The following ZBTB20 variants were observed in gnomAD, a reference collection of about 807,000 sequenced individuals.
ZBTB20 encodes zinc finger and BTB domain containing 20.
In ZBTB20, 9 loss-of-function variants were observed where a neutral mutation model predicts 56.9. That is an observed-to-expected ratio of 0.16 (90% confidence interval 0.10 to 0.28). The LOEUF (loss-of-function observed/expected upper bound fraction) is 0.28, where lower values mean the gene tolerates loss of function less well. Among genes scored for constraint, ZBTB20 ranks in the 10% least tolerant of loss-of-function variants. ZBTB20 has a pLI of 1.00. For missense variants in ZBTB20, 655 were observed against 1,003.0 expected (o/e 0.65, Z 4.69); for synonymous variants, 417 against 420.7 (o/e 0.99, Z 0.11).
intron 3 of ZBTB20, among the ~76,000 whole-genome samples, chr3:114,938,032 G>T (rs1043136806): frequency 6.6e-6 from 1 of 151,902 alleles, no homozygotes; most frequent in African/African-American, 2.4e-5. Context: ...GCAGGAGAAT[G>T]GCGTGAACCC....
intron 7 of ZBTB20, among the ~76,000 whole-genome samples, chr3:114,422,422 T>G (rs1421098442): frequency 6.6e-6 from 1 of 152,130 alleles, no homozygotes; most frequent in Non-Finnish European, 1.5e-5. Flanking sequence ...CAACCGGACG[T>G]TACCCGCCTT....
intron 6 of ZBTB20, among the ~76,000 whole-genome samples, chr3:114,680,525 G>T (rs2061907801): frequency 1.3e-5 from 2 of 152,266 alleles, no homozygotes; most frequent in South Asian, 2.1e-4. Flanking sequence ...GCCAAGTAAT[G>T]ATGTCCAAAT....
intron 1 of ZBTB20, among the ~76,000 whole-genome samples, chr3:115,144,632 G>C (rs1354137173): frequency 6.6e-6 from 1 of 151,856 alleles, no homozygotes; most frequent in Non-Finnish European, 1.5e-5. Flanking sequence ...ATTTAATCTC[G>C]TATTTTCTTT....
At chr3:114,889,035 T>G (rs901171589) in intron 4 of ZBTB20, among the ~76,000 whole-genome samples, 1 of 152,036 alleles carries the variant, frequency 6.6e-6, no homozygotes, top group African/African-American at 2.4e-5. Flanking sequence ...GTGTAAAAAG[T>G]TTAAATACTT....
intron 6 of ZBTB20, among the ~76,000 whole-genome samples, chr3:114,662,577 A>C (rs2060799595): frequency 7.1e-6 from 1 of 141,494 alleles, no homozygotes; most frequent in Admixed American, 7.1e-5. Flanking sequence ...TTGTTTCCTG[A>C]CTTTTTAATG....
At chr3:114,859,054 C>T (rs2075371575) in intron 4 of ZBTB20, among the ~76,000 whole-genome samples, 1 of 151,886 alleles carries the variant, frequency 6.6e-6, no homozygotes, top group Non-Finnish European at 1.5e-5. Flanking sequence ...GTAAGCCAGT[C>T]AACTTTCAAG....
chr3:114,511,333 G>GT (rs2045361513), intron 6 of ZBTB20, among the ~76,000 whole-genome samples: 1 of 152,098 alleles, frequency 6.6e-6, no homozygotes, highest in South Asian at 2.1e-4. Flanking sequence ...TGTCATCTCT[G>GT]TAAGTGACAA....
At chr3:114,708,756 T>A (rs2063868715) in intron 5 of ZBTB20, among the ~76,000 whole-genome samples, 1 of 152,166 alleles carries the variant, frequency 6.6e-6, no homozygotes, top group African/African-American at 2.4e-5. Context: ...TAAATATTGT[T>A]AACTTAAATA....
At chr3:114,597,723 T>C (rs1392755166) in intron 6 of ZBTB20, among the ~76,000 whole-genome samples, 1 of 152,076 alleles carries the variant, frequency 6.6e-6, no homozygotes, top group African/African-American at 2.4e-5. Flanking sequence ...CAAAAAGCCT[T>C]GGTGTAAGTT....
At chr3:114,742,867 T>C (rs1689490379) in intron 5 of ZBTB20, among the ~76,000 whole-genome samples, 1 of 152,188 alleles carries the variant, frequency 6.6e-6, no homozygotes, top group Admixed American at 6.5e-5. Context: ...TGGGTGACTG[T>C]AACATATAGC....
At chr3:114,414,608 G>A (rs1257340020) in intron 7 of ZBTB20, among the ~76,000 whole-genome samples, 4 of 151,564 alleles carry the variant, frequency 2.6e-5, no homozygotes, top group African/African-American at 9.7e-5. Flanking sequence ...AAAATTATTT[G>A]TGGCCTTGAA....
intron 5 of ZBTB20, among the ~76,000 whole-genome samples, chr3:114,733,302 C>A (rs1272202293): frequency 1.3e-5 from 2 of 152,178 alleles, no homozygotes; most frequent in African/African-American, 4.8e-5. Flanking sequence ...TCTCCAATGC[C>A]TAAGCCTACC....
At chr3:114,366,446 T>C (rs2082410607) in intron 10 of ZBTB20, among the ~76,000 whole-genome samples, 1 of 152,148 alleles carries the variant, frequency 6.6e-6, no homozygotes, top group Non-Finnish European at 1.5e-5. Context: ...ACACATATAT[T>C]TTCTCTGTAA....
chr3:114,808,188 T>C (rs1161683349), intron 4 of ZBTB20, among the ~76,000 whole-genome samples: 1 of 152,086 alleles, frequency 6.6e-6, no homozygotes, highest in Non-Finnish European at 1.5e-5. Flanking sequence ...TCAGTTTTGG[T>C]AATTTGCGCA....
intron 11 of ZBTB20, among the ~76,000 whole-genome samples, chr3:114,345,637 T>C (rs1345956336): frequency 6.6e-6 from 1 of 152,222 alleles, no homozygotes. Context: ...AACTTCAGCA[T>C]GAACCAGGGC....
chr3:114,801,931 A>G (rs1231142929), intron 4 of ZBTB20, among the ~76,000 whole-genome samples: 1 of 151,874 alleles, frequency 6.6e-6, no homozygotes, highest in Non-Finnish European at 1.5e-5. Flanking sequence ...GTAACAGTCC[A>G]GGCATTAAGA....
intron 10 of ZBTB20, among the ~76,000 whole-genome samples, chr3:114,353,799 A>G (rs955519629): frequency 4.6e-5 from 7 of 152,230 alleles, no homozygotes; most frequent in Admixed American, 4.6e-4. Context: ...TTAATCTTAC[A>G]GCAACCATGG....
chr3:114,873,831 C>T (rs1203713906), intron 4 of ZBTB20: 1 of 152,194 alleles, frequency 6.6e-6, no homozygotes, highest in Non-Finnish European at 1.5e-5. Flanking sequence ...TGTCCTCTAA[C>T]AATCTATTTC....
chr3:114,646,131 A>T (rs1163106779), intron 6 of ZBTB20, among the ~76,000 whole-genome samples: 2 of 124,480 alleles, frequency 1.6e-5, no homozygotes, highest in Non-Finnish European at 3.2e-5. Context: ...TTTTTTTATA[A>T]AACCTCTACA....
Sources: allele counts gnomAD v4.1 joint callset (sites outside exome capture counted in the v4.1 genomes callset), GRCh38; gene constraint gnomAD v4.1.1; transcripts MANE v1.5; gene names NCBI Gene and HGNC (gene_info 2026-07-23, HGNC 2026-07-21).